The following FAM177A1 variants were observed in gnomAD, a reference collection of about 807,000 sequenced individuals.
FAM177A1 encodes the protein family with sequence similarity 177 member A1.
Under a neutral mutation model 26.1 loss-of-function variants are expected in FAM177A1, and 22 were observed. That is an observed-to-expected ratio of 0.84 (90% CI 0.60 to 1.20). FAM177A1 has a LOEUF of 1.20. Among genes scored for constraint, FAM177A1 ranks in the 50% most tolerant of loss-of-function variants. FAM177A1 has a pLI of 0.00. For missense variants in FAM177A1, 296 were observed against 291.1 expected (o/e 1.02, Z -0.12); for synonymous variants, 95 against 99.3 (o/e 0.96, Z 0.26).
intron 2 of FAM177A1, among the ~76,000 whole-genome samples, chr14:35,063,455 G>A (rs576715191): frequency 1.7e-3 from 251 of 151,792 alleles, no homozygotes; most frequent in African/African-American, 5.8e-3. Context: ...GCGGGTGCCT[G>A]TAATCCCAGC....
At chr14:35,074,420 G>C (rs1399702055) in intron 2 of FAM177A1, among the ~76,000 whole-genome samples, 1 of 152,122 alleles carries the variant, frequency 6.6e-6, no homozygotes, top group Non-Finnish European at 1.5e-5. Context: ...CCGCCTCCCA[G>C]ATTCAAGCGA....
At chr14:35,064,602 G>A (rs2045211679) in intron 2 of FAM177A1, among the ~76,000 whole-genome samples, 1 of 152,004 alleles carries the variant, frequency 6.6e-6, no homozygotes, top group African/African-American at 2.4e-5. Flanking sequence ...AATTAACCGA[G>A]ATAGAATAAT....
At position 35,076,391 on chromosome 14, in the gene FAM177A1, A is replaced by G. The variant is rs112747748; in HGVS notation, c.340-759A>G. Among the ~76,000 whole-genome samples, 10 of 151,464 alleles carry G rather than the reference A, an allele frequency of 6.6e-5. 1 individual carries two copies. The highest frequency in any genetic ancestry group is 3.3e-4 in the Admixed American group (5 of 15,220). On this transcript the variant is annotated intron_variant, in intron 2 of 4. Coordinates refer to ENST00000280987, the MANE Select transcript of FAM177A1 (RefSeq NM_173607.5). ...CTCACTCTTAGGTGGGAATTGAACA[A>G]TGAGAACACTTGGACACAGGAAGGG... is the stretch of plus-strand genomic sequence containing the variant.
At chr14:35,063,962 C>T (rs911333546) in intron 2 of FAM177A1, among the ~76,000 whole-genome samples, 1 of 149,124 alleles carries the variant, frequency 6.7e-6, no homozygotes, top group Non-Finnish European at 1.5e-5. Flanking sequence ...GCAGGAGAAT[C>T]GCTTGAATCC....
intron 1 of FAM177A1, among the ~76,000 whole-genome samples, chr14:35,051,702 C>G (rs1439394754): frequency 6.6e-6 from 1 of 152,118 alleles, no homozygotes; most frequent in Non-Finnish European, 1.5e-5. Context: ...TATGAGCCAC[C>G]ACGGCTGGCC....
chr14:35,058,262 C>T (rs186571197), intron 2 of FAM177A1, among the ~76,000 whole-genome samples: 2,038 of 152,158 alleles, frequency 0.013, 17 homozygotes, highest in South Asian at 0.033. Flanking sequence ...GACGGGGTTT[C>T]ACCATGTTGG....
rs192845305 is a variant in FAM177A1, at chr14:35,059,216, C to T, written c.339+5765C>T. On this transcript the variant is annotated intron_variant, in intron 2 of 4. Transcript: ENST00000280987. ...CTGGGATTATAGGTGTGAGCCACCA[C>T]GCCTGGCCAGTGTGAGCTTTTTTAT... 2.8e-4 allele frequency among the ~76,000 whole-genome samples: 43 copies of T among 152,230 alleles called. No individual in the cohort carries two copies. The South Asian group carries it at 6.4e-3, about 23-fold the overall frequency.
intron 1 of FAM177A1, among the ~76,000 whole-genome samples, chr14:35,047,521 G>A (rs999173629): frequency 6.6e-6 from 1 of 152,152 alleles, no homozygotes; most frequent in African/African-American, 2.4e-5. Context: ...GGCCAAGGCG[G>A]GTGGATCACC....
At chr14:35,045,242 A>G (rs1402981660), upstream of FAM177A1, 1 of 152,236 alleles carries the variant, frequency 6.6e-6, no homozygotes, top group South Asian at 2.1e-4. Flanking sequence ...TTTTATTACC[A>G]GGATAGAGAG....
chr14:35,046,981 G>T, intron 1 of FAM177A1: 1 of 1,067,150 alleles, frequency 9.4e-7, no homozygotes, highest in Non-Finnish European at 1.1e-6. Flanking sequence ...CCACTTCTCA[G>T]TCTCTTCTGG....
At position 35,083,152 on chromosome 14, in the gene FAM177A1, G is replaced by C. The variant is rs1011017249; in HGVS notation, c.*1924G>C. 1 of 152,554 alleles carries C rather than the reference G, an allele frequency of 6.6e-6. No individual in the cohort carries two copies. Among genetic ancestry groups the C allele is most frequent in the South Asian group, 2.1e-4 (1 of 4,828 alleles). The allele number at this position is 152,554 out of a possible 1,614,324, so 9.5% of individuals were successfully genotyped here. On this transcript the variant is annotated 3_prime_UTR_variant, in exon 5 of 5. Transcript: ENST00000280987. ...CAAGTGAAGATAGGTGTGTCTAAAAGTGATCTTCTGAATCCTGTCTCCCTA... is the reference window on the plus strand; with the variant it reads ...CAAGTGAAGATAGGTGTGTCTAAAACTGATCTTCTGAATCCTGTCTCCCTA...
chr14:35,046,383 C>T lies in FAM177A1; in HGVS notation c.-81C>T, dbSNP rs2044861920. 6 of 1,318,654 alleles carry T rather than the reference C, an allele frequency of 4.6e-6. No individual in the cohort carries two copies. Among genetic ancestry groups the T allele is most frequent in the Admixed American group, 7.8e-5 (2 of 25,564 alleles). 81.7% of individuals were successfully genotyped at this position (1,318,654 alleles called of 1,614,324 possible). A position where few individuals can be genotyped will look rare whatever the true frequency, so the allele number is the denominator to read the frequency against. ...CCCTTCTCAGAGACTTGGCTAGGCG[C>T]GGCGCGAGGCGGGCGCTGGGCGGGT... On this transcript the variant is annotated 5_prime_UTR_variant, in exon 1 of 5. Coordinates refer to ENST00000280987, the MANE Select transcript of FAM177A1 (RefSeq NM_173607.5).
At chr14:35,052,068 C>T (rs1413813923) in intron 1 of FAM177A1, among the ~76,000 whole-genome samples, 4 of 152,168 alleles carry the variant, frequency 2.6e-5, no homozygotes, top group Non-Finnish European at 5.9e-5. Flanking sequence ...GTAATCATGA[C>T]ATTACTGTAG....
intron 1 of FAM177A1, among the ~76,000 whole-genome samples, chr14:35,047,762 A>T (rs576860461): frequency 2.9e-5 from 1 of 34,974 alleles, no homozygotes. Context: ...CAGCAACAAC[A>T]ACAACAACAA....
At chr14:35,073,546 T>C (rs957147099) in intron 2 of FAM177A1, among the ~76,000 whole-genome samples, 1 of 152,198 alleles carries the variant, frequency 6.6e-6, no homozygotes, top group Non-Finnish European at 1.5e-5. Context: ...GCCAGGAGCA[T>C]TGTCCAATAA....
At chr14:35,047,792 A>C (rs2044897169) in intron 1 of FAM177A1, among the ~76,000 whole-genome samples, 2 of 151,494 alleles carry the variant, frequency 1.3e-5, no homozygotes, top group Non-Finnish European at 1.5e-5. Context: ...CAAAAAAAAA[A>C]CCCTTGAGTT....
At position 35,082,524 on chromosome 14, in the gene FAM177A1, A is replaced by C. The variant is rs1006368210; in HGVS notation, c.*1296A>C. On this transcript the variant is annotated 3_prime_UTR_variant, in exon 5 of 5. Transcript: ENST00000280987. Reference sequence around the variant, plus strand: ...TGAGACTCCATCTTGGGGGGAAAAAAGTATATATATATACACACACACAGA... The same window carrying C: ...TGAGACTCCATCTTGGGGGGAAAAACGTATATATATATACACACACACAGA... The C allele has an allele frequency of 6.6e-6, 1 of 151,172 alleles. No individual in the cohort carries two copies. The highest frequency in any genetic ancestry group is 1.5e-5 in the Non-Finnish European group (1 of 67,952). The allele number at this position is 151,172 out of a possible 1,614,324, so 9.4% of individuals were successfully genotyped here.
rs2138580247 is a variant in FAM177A1 at position 35,083,033 on chromosome 14, G to A, written c.*1805G>A. On this transcript the variant is annotated 3_prime_UTR_variant, in exon 5 of 5. Coordinates refer to ENST00000280987, the MANE Select transcript of FAM177A1 (RefSeq NM_173607.5). ...TCCCATGAATTATAGTTTACCAATA[G>A]TTCTAAAACATGCTAACCTGACCTT... 1 of 152,278 alleles carries A rather than the reference G, an allele frequency of 6.6e-6. No individual in the cohort carries two copies. Among genetic ancestry groups the A allele is most frequent in the African/African-American group, 2.4e-5 (1 of 41,530 alleles). 9.4% of individuals were successfully genotyped at this position (152,278 alleles called of 1,614,324 possible).
In FAM177A1 at chr14:35,046,358, C is replaced by T. The variant is rs1045006350; in HGVS notation, c.-106C>T. On this transcript the variant is annotated 5_prime_UTR_variant, in exon 1 of 5. Coordinates refer to ENST00000280987, the MANE Select transcript of FAM177A1 (RefSeq NM_173607.5). The stretch of plus-strand genomic sequence containing the variant: ...GCCCCGCCCCTCAGGCCGGCGAGTC[C>T]CCTTCTCAGAGACTTGGCTAGGCGC... The T allele has an allele frequency of 2.3e-6, 3 of 1,303,410 alleles. No individual in the cohort carries two copies. The highest frequency in any genetic ancestry group is 2.9e-4 in the Middle Eastern group (1 of 3,506). The allele number at this position is 1,303,410 out of a possible 1,614,324, so 80.7% of individuals were successfully genotyped here.
Sources: allele counts gnomAD v4.1 joint callset (sites outside exome capture counted in the v4.1 genomes callset), GRCh38; gene constraint gnomAD v4.1.1; transcripts MANE v1.5; gene names NCBI Gene and HGNC (gene_info 2026-07-23, HGNC 2026-07-21).